TENM1: variants seen among roughly 807,000 people sequenced by gnomAD.
TENM1 encodes teneurin-1.
TENM1 carries 35 observed loss-of-function variants against 174.8 expected under a neutral mutation model. The observed-to-expected ratio is 0.20, with a 90% CI of 0.15 to 0.27. The LOEUF (loss-of-function observed/expected upper bound fraction) is 0.27. Among genes scored for constraint, TENM1 ranks in the 10% least tolerant of loss-of-function variants. The pLI is 1.00. For synonymous variants in TENM1, 781 were observed against 798.7 expected (o/e 0.98, Z 0.37); for missense variants, 1,633 against 2,130.1 (o/e 0.77, Z 4.59).
chrX:124,659,312 GAATA>G (rs1199529165), intron 6 of TENM1, among the ~76,000 whole-genome samples: 1 of 111,522 alleles, frequency 9.0e-6, no homozygotes, highest in Non-Finnish European at 1.9e-5. Flanking sequence ...AAAGATTTAT[GAATA>G]AATATGACTA....
chrX:124,434,902 T>A lies in TENM1; in HGVS notation c.4105-12264A>T, dbSNP rs1033455155. 2.5e-4 allele frequency among the ~76,000 whole-genome samples: 28 copies of A among 111,605 alleles called. No individual in the cohort carries two copies. In the Admixed American group the frequency reaches 2.7e-3, roughly 11 times the overall value. On this transcript the variant is annotated intron_variant, in intron 23 of 31. Coordinates refer to ENST00000422452, the Ensembl canonical transcript of TENM1. ...TGAACCCTCTCAGCCCTTCTGGGGG[T>A]GGGAAGAGGAATATGAAAATGTTAC...
At chrX:124,965,899 T>A (rs186381657), upstream of TENM1, among the ~76,000 whole-genome samples, 1 of 111,690 alleles carries the variant, frequency 9.0e-6, no homozygotes, top group Admixed American at 9.5e-5. Context: ...AAACACAGTA[T>A]GTTCAAAAGT....
chrX:124,709,013 T>C (rs2052979635), intron 4 of TENM1, among the ~76,000 whole-genome samples: 1 of 111,556 alleles, frequency 9.0e-6, no homozygotes, highest in South Asian at 3.7e-4. Context: ...GTGAAGTTGA[T>C]ACTATTATCC....
chrX:124,516,005 A>G (rs1356155326), intron 18 of TENM1, among the ~76,000 whole-genome samples: 1 of 111,530 alleles, frequency 9.0e-6, no homozygotes, highest in Non-Finnish European at 1.9e-5. Flanking sequence ...AAACAGACAC[A>G]CAGATGAATG....
At chrX:124,855,905 T>A (rs2056806958) in intron 3 of TENM1, among the ~76,000 whole-genome samples, 1 of 111,262 alleles carries the variant, frequency 9.0e-6, no homozygotes, top group Non-Finnish European at 1.9e-5. Flanking sequence ...CTTGTATGTG[T>A]TTGTGGAGAA....
chrX:125,067,146 A>G, the TENM1 span, among the ~76,000 whole-genome samples: 2 of 111,092 alleles, frequency 1.8e-5, 1 homozygote, highest in Non-Finnish European at 3.8e-5. Flanking sequence ...ATCAATATAC[A>G]CTTCTCACCA....
intron 24 of TENM1, among the ~76,000 whole-genome samples, chrX:124,421,958 A>G (rs1430303783): frequency 8.9e-6 from 1 of 112,210 alleles, no homozygotes; most frequent in East Asian, 2.8e-4. Context: ...CAACTTTTTA[A>G]GAGTCTAAAC....
the TENM1 span, among the ~76,000 whole-genome samples, chrX:125,094,380 G>A: frequency 8.9e-6 from 1 of 112,258 alleles, no homozygotes; most frequent in South Asian, 3.7e-4. Context: ...CCTAAGAAAT[G>A]AAAAATATCC....
At chrX:124,883,054 T>C (rs192596031) in intron 3 of TENM1, among the ~76,000 whole-genome samples, 1 of 112,244 alleles carries the variant, frequency 8.9e-6, no homozygotes, top group East Asian at 2.8e-4. Context: ...CAGGATTTCA[T>C]AAATTATTTT....
the TENM1 span, among the ~76,000 whole-genome samples, chrX:125,033,146 C>G: frequency 2.7e-5 from 3 of 111,643 alleles, no homozygotes; most frequent in African/African-American, 9.8e-5. Flanking sequence ...TTCTCCATCT[C>G]AAAGTGTGAG....
rs146691491 is a variant in TENM1, at chrX:124,395,421, G to GA, written c.5392-3074dup. ...TATTTGCCCTTAATTTTGAACTTCT[G>GA]AAAAAAAAAAAAAGAAGACCTACCA... On this transcript the variant is annotated intron_variant, in intron 27 of 31. Coordinates refer to ENST00000422452, the Ensembl canonical transcript of TENM1. Among the ~76,000 whole-genome samples, 914 of 94,769 alleles carry GA rather than the reference G, an allele frequency of 9.6e-3. 4 individuals carry two copies. The highest frequency in any genetic ancestry group is 0.01 in the Non-Finnish European group (469 of 46,631). 82.3% of individuals were successfully genotyped at this position (94,769 alleles called of 115,157 possible).
intron 11 of TENM1, among the ~76,000 whole-genome samples, chrX:124,640,630 T>C (rs1353468668): frequency 2.7e-5 from 3 of 111,783 alleles, no homozygotes; most frequent in African/African-American, 6.5e-5. Flanking sequence ...TACATCACAA[T>C]GTTTTCTGTG....
intron 8 of TENM1, among the ~76,000 whole-genome samples, chrX:124,648,928 T>C (rs1196530537): frequency 9.0e-6 from 1 of 111,646 alleles, no homozygotes; most frequent in Admixed American, 9.5e-5. Context: ...GTCCCTGAGC[T>C]CAAAGGGCTT....
intron 14 of TENM1, among the ~76,000 whole-genome samples, chrX:124,556,102 G>A (rs955880810): frequency 3.6e-5 from 4 of 111,629 alleles, no homozygotes; most frequent in African/African-American, 9.8e-5. Flanking sequence ...GTATGACTCC[G>A]AAGACAAAAT....
At chrX:124,697,331 G>A (rs2052674155) in intron 5 of TENM1, among the ~76,000 whole-genome samples, 1 of 111,392 alleles carries the variant, frequency 9.0e-6, no homozygotes, top group African/African-American at 3.3e-5. Context: ...CCATAGAGAG[G>A]AGTAGGAGCC....
chrX:124,715,747 C>T (rs771261713), intron 4 of TENM1, among the ~76,000 whole-genome samples: 1 of 109,588 alleles, frequency 9.1e-6, no homozygotes, highest in South Asian at 4.1e-4. Flanking sequence ...CTCCACCTCC[C>T]GGGTTCAAGC....
chrX:124,472,468 G>A (rs907851255), intron 22 of TENM1, among the ~76,000 whole-genome samples: 3 of 102,806 alleles, frequency 2.9e-5, no homozygotes, highest in Non-Finnish European at 3.9e-5. Context: ...GCTGTTGTAA[G>A]TGCCCTGAGT....
chrX:124,658,292 A>G (rs192599107), intron 6 of TENM1, among the ~76,000 whole-genome samples: 2 of 111,900 alleles, frequency 1.8e-5, no homozygotes, highest in East Asian at 2.8e-4. Context: ...ATGCTTTTGT[A>G]TCCATTATAT....
chrX:124,649,547 A>G (rs895003868), intron 8 of TENM1, among the ~76,000 whole-genome samples: 2 of 112,460 alleles, frequency 1.8e-5, no homozygotes, highest in African/African-American at 3.2e-5. Flanking sequence ...AGTGTAAAGC[A>G]TCTAGTACAG....
Sources: allele counts gnomAD v4.1 joint callset (sites outside exome capture counted in the v4.1 genomes callset), GRCh38; gene constraint gnomAD v4.1.1; transcripts MANE v1.5; gene names NCBI Gene and HGNC (gene_info 2026-07-23, HGNC 2026-07-21).